The following ZSWIM8 variants were observed in gnomAD, a reference collection of about 807,000 sequenced individuals.
The protein encoded by ZSWIM8 is zinc finger SWIM-type containing 8, also known as zinc finger SWIM domain-containing protein 8.
In ZSWIM8, 27 loss-of-function variants were observed where a neutral mutation model predicts 173.7. The observed-to-expected ratio is 0.16, with a 90% CI of 0.11 to 0.21. The LOEUF is 0.21. ZSWIM8 is among the 10% of genes least tolerant of loss of function. The probability of loss-of-function intolerance (pLI) is 1.00; values close to 1 mark genes in which losing one functional copy is unlikely to be tolerated. For missense variants in ZSWIM8, 1,627 were observed against 2,428.8 expected, an observed-to-expected ratio of 0.67 and a Z score of 6.94; for synonymous variants, 958 against 962.0, an observed-to-expected ratio of 1.00 and a Z score of 0.08.
Position 73,801,681 on chromosome 10 carries a change from TCA to T in ZSWIM8, c.*166_*167del, listed in dbSNP as rs1395738282. ...GGCTATAGCTTGGGGCCAAGATGTC[TCA>T]CACCCTAGAAGCCTAGGGCTGGGGG... On this transcript the variant is annotated 3_prime_UTR_variant, in exon 26 of 26. Coordinates refer to ENST00000604729, the MANE Select transcript of ZSWIM8 (RefSeq NM_001367799.1). This position sits in a 1 kb window ranked among gnomAD's most constrained non-coding sequence, Gnocchi z 4.9. The T allele has an allele frequency of 9.8e-6, 15 of 1,534,468 alleles. No homozygotes were observed. The highest frequency in any genetic ancestry group is 1.4e-5 in the African/African-American group (1 of 73,114).
chr10:73,796,571 A>T (rs2083667902), intron 15 of ZSWIM8: 3 of 643,536 alleles, frequency 4.7e-6, no homozygotes, highest in Non-Finnish European at 5.3e-6. Context: ...TGTGGTGTTA[A>T]TGGAGGATAC....
intron 1 of ZSWIM8, among the ~76,000 whole-genome samples, chr10:73,787,199 C>T (rs1410799587): frequency 6.6e-6 from 1 of 152,190 alleles, no homozygotes; most frequent in African/African-American, 2.4e-5. Context: ...GCGCCTCGGC[C>T]TCCCGAAGTG....
chr10:73,788,836 G>A lies in ZSWIM8; in HGVS notation c.362+13G>A, dbSNP rs767975551. On this transcript the variant is annotated intron_variant, in intron 2 of 25. Transcript: ENST00000604729. ...AAGAGGACATTCGGTGAGGCCAAAG[G>A]ACTGATGGTGGGGAGCGGGGTCCTG... 1.9e-5 allele frequency: 31 copies of A among 1,612,966 alleles called. No individual in the cohort carries two copies. In the South Asian group the frequency reaches 3.4e-4, roughly 18 times the overall value.
At position 73,789,872 on chromosome 10, in the gene ZSWIM8, G is replaced by T. The variant is rs756721237; in HGVS notation, c.738+48G>T. On this transcript the variant is annotated intron_variant, in intron 5 of 25. Coordinates refer to ENST00000604729, the MANE Select transcript of ZSWIM8 (RefSeq NM_001367799.1). This position sits in a 1 kb window ranked among gnomAD's most constrained non-coding sequence, Gnocchi z 6.8. ...CCTGCAATTAGCTCCGGGCCAGGCC[G>T]CATAACAGCCTTCCTGTTAGGCCCA... is the stretch of plus-strand genomic sequence containing the variant. 76 of 1,580,742 alleles carry T rather than the reference G, an allele frequency of 4.8e-5. No homozygotes were observed. The highest frequency in any genetic ancestry group is 1.8e-4 in the Admixed American group (10 of 55,376).
rs773956574 is a variant in ZSWIM8, at chr10:73,789,428, C to T, written c.519C>T (p.Asn173=). 3.1e-5 allele frequency: 49 copies of T among 1,597,138 alleles called. No individual in the cohort carries two copies. Among genetic ancestry groups the T allele is most frequent in the Non-Finnish European group, 2.4e-5 (28 of 1,171,718 alleles). The change falls in exon 4 of 26, where the codon AAC becomes AAT. Residue 173 remains asparagine, a synonymous_variant. Transcript: ENST00000604729. This position sits in a 1 kb window ranked among gnomAD's most constrained non-coding sequence, Gnocchi z 6.8. The part of the protein sequence containing the change: ...PQMVPPKGAY[N]VAVMFDRCRV... ...TGGTCCCTCCTAAAGGGGCCTACAA[C>T]GTGGCTGTGATGTTTGACCGCTGCC...
At chr10:73,790,348 C>G (rs1758434754) in intron 7 of ZSWIM8, 56 bp downstream of exon 7, 1 of 1,542,052 alleles carries the variant, frequency 6.5e-7, no homozygotes, top group African/African-American at 1.4e-5. Context: ...GTCCCTCAGG[C>G]TGATGACAGA....
chr10:73,790,156 T>G lies in ZSWIM8; in HGVS notation c.821-16T>G, dbSNP rs762259175. On this transcript the variant is annotated splice_polypyrimidine_tract_variant and intron_variant, in intron 6 of 25. Transcript: ENST00000604729. ...AGGCCCCTATCTCTAGATGACTGAC[T>G]GCCTGTCATCCTCAGACCCCACAGC... 5.6e-6 allele frequency: 9 copies of G among 1,610,880 alleles called. No homozygotes were observed. The highest frequency in any genetic ancestry group is 2.2e-5 in the South Asian group (2 of 90,632).
chr10:73,796,017 AAG>A (rs1186585102), intron 15 of ZSWIM8, among the ~76,000 whole-genome samples: 1 of 150,432 alleles, frequency 6.6e-6, no homozygotes, highest in East Asian at 2.0e-4. Context: ...CAGGCAGAGA[AAG>A]AGAGCACATT....
At chr10:73,790,322 G>C (rs777919115) in intron 7 of ZSWIM8, 30 bp downstream of exon 7, 8 of 1,566,884 alleles carry the variant, frequency 5.1e-6, no homozygotes, top group Non-Finnish European at 6.9e-6. Context: ...ACCTGTGTCT[G>C]TGGTGGAGGG....
At position 73,797,280 on chromosome 10, in the gene ZSWIM8, G is replaced by A. The variant is rs2083710180; in HGVS notation, c.3433+9G>A. 1 of 1,613,940 alleles carries A rather than the reference G, an allele frequency of 6.2e-7. No homozygotes were observed. The highest frequency in any genetic ancestry group is 8.5e-7 in the Non-Finnish European group (1 of 1,179,836). On this transcript the variant is annotated intron_variant, in intron 17 of 25. Coordinates refer to ENST00000604729, the MANE Select transcript of ZSWIM8 (RefSeq NM_001367799.1). This position sits in a 1 kb window ranked among gnomAD's most constrained non-coding sequence, Gnocchi z 5.6. ...TAAGAAGAAGCACACAGGTAGGATA[G>A]CCTGTGGGCTAGCATAGAGGGAAGG...
rs1222223440 is a variant in ZSWIM8 at position 73,799,903 on chromosome 10, ACT to A, written c.4666-105_4666-104del. ...ACTCCAGCCTGGAGGACAGAGCGAGACTCTATCTCAAAAAAAACATGTCAGGA... is the reference window on the plus strand; with the variant it reads ...ACTCCAGCCTGGAGGACAGAGCGAGACTATCTCAAAAAAAACATGTCAGGA... On this transcript the variant is annotated intron_variant, in intron 21 of 25. Transcript: ENST00000604729. 1.8e-5 allele frequency: 13 copies of A among 715,678 alleles called. No individual in the cohort carries two copies. In the East Asian group the frequency reaches 3.0e-4, roughly 17 times the overall value. The allele number at this position is 715,678 out of a possible 1,614,324, so 44.3% of individuals were successfully genotyped here. A position where few individuals can be genotyped will look rare whatever the true frequency, so the allele number is the denominator to read the frequency against.
chr10:73,794,820 G>T lies in ZSWIM8; in HGVS notation c.2908+181G>T, dbSNP rs2083555762. The T allele has an allele frequency of 5.7e-6, 3 of 522,426 alleles. No individual in the cohort carries two copies. In the Admixed American group the frequency reaches 1.1e-4, roughly 19 times the overall value. 32.4% of individuals were successfully genotyped at this position (522,426 alleles called of 1,614,324 possible). ...GTGTGCTATATGGCTGGGCGTGGTG[G>T]CCCATGCTTGTAATCGCAGCGCTTT... On this transcript the variant is annotated intron_variant, in intron 14 of 25. Coordinates refer to ENST00000604729, the MANE Select transcript of ZSWIM8 (RefSeq NM_001367799.1).
chr10:73,793,667 A>G lies in ZSWIM8; in HGVS notation c.2393A>G (p.Gln798Arg), dbSNP rs1482837239. The change falls in exon 11 of 26, where the codon CAG (glutamine) becomes CGG (arginine). Residue 798 changes from glutamine (Q) to arginine (R), a missense_variant. Transcript: ENST00000604729. ...TCCCGTCTCACTGTGGAGCTTGCCC[A>G]GGATCTGCTAGCCAACCCACCCGAC... ...EASRLTVELAQDLLANPPDLK... is the reference protein window; with the variant it reads ...EASRLTVELARDLLANPPDLK... The G allele has an allele frequency of 1.9e-6, 3 of 1,613,740 alleles. No individual in the cohort carries two copies. Among genetic ancestry groups the G allele is most frequent in the Non-Finnish European group, 2.5e-6 (3 of 1,179,746 alleles).
rs1028201240 is a variant in ZSWIM8, at chr10:73,787,227, A to C, written c.208+1141A>C. Among the ~76,000 whole-genome samples, 7 of 152,162 alleles carry C rather than the reference A, an allele frequency of 4.6e-5. No individual in the cohort carries two copies. The East Asian group carries it at 1.4e-3, about 29-fold the overall frequency. Reference sequence around the variant, plus strand: ...CCGAAGTGCTGGGATTACAGGCGTGAGCCACCGCTCCCGGCATATATATCA... The same window carrying C: ...CCGAAGTGCTGGGATTACAGGCGTGCGCCACCGCTCCCGGCATATATATCA... On this transcript the variant is annotated intron_variant, in intron 1 of 25. Coordinates refer to ENST00000604729, the MANE Select transcript of ZSWIM8 (RefSeq NM_001367799.1).
chr10:73,789,578 T>G lies in ZSWIM8; in HGVS notation c.630+39T>G. ...AATTTATCCCGGCCCTATCCTACAC[T>G]CCATCCCCCCCTTCTCTGCTGCATG... On this transcript the variant is annotated intron_variant, in intron 4 of 25. Transcript: ENST00000604729. The surrounding 1 kb of genome is among the most constrained non-coding windows in gnomAD (Gnocchi z 6.8). 1 of 1,599,268 alleles carries G rather than the reference T, an allele frequency of 6.3e-7. No homozygotes were observed. The highest frequency in any genetic ancestry group is 1.3e-5 in the African/African-American group (1 of 74,718).
Position 73,789,707 on chromosome 10 carries a change from T to A in ZSWIM8, c.631-10T>A. ...TCAGATTGTTCCATTTTTCTCTGTGTCCCCTTCAGGCTTCTGCAGTCTGCC... is the reference window on the plus strand; with the variant it reads ...TCAGATTGTTCCATTTTTCTCTGTGACCCCTTCAGGCTTCTGCAGTCTGCC... On this transcript the variant is annotated splice_polypyrimidine_tract_variant and intron_variant, in intron 4 of 25. Coordinates refer to ENST00000604729, the MANE Select transcript of ZSWIM8 (RefSeq NM_001367799.1). The surrounding 1 kb of genome is among the most constrained non-coding windows in gnomAD (Gnocchi z 6.8). 6.3e-7 allele frequency: 1 copy of A among 1,590,032 alleles called. No homozygotes were observed. Among genetic ancestry groups the A allele is most frequent in the Non-Finnish European group, 8.6e-7 (1 of 1,168,224 alleles).
intron 1 of ZSWIM8, 100 bp downstream of exon 1, chr10:73,786,186 C>T (rs2083211084): frequency 1.5e-6 from 2 of 1,291,600 alleles, no homozygotes; most frequent in South Asian, 3.3e-5. Flanking sequence ...GAGCTCTCTT[C>T]AACCAGGGGA....
At position 73,792,039 on chromosome 10, in the gene ZSWIM8, T is replaced by C. The variant is rs373058094; in HGVS notation, c.1500T>C (p.Thr500=). 13 of 1,547,894 alleles carry C rather than the reference T, an allele frequency of 8.4e-6. No individual in the cohort carries two copies. In the African/African-American group the frequency reaches 1.8e-4, roughly 21 times the overall value. ...TTCCTGGTGTCACCTACAGCGGCAC[T>C]GACAGGAAGCTGGCACTGTGCTGGG... is the stretch of plus-strand genomic sequence containing the variant. The part of the protein sequence containing the change: ...YPLPGVTYSG[T]DRKLALCWAR... The change falls in exon 10 of 26, where the codon ACT becomes ACC. Residue 500 remains threonine, a synonymous_variant. Transcript: ENST00000604729. This position sits in a 1 kb window ranked among gnomAD's most constrained non-coding sequence, Gnocchi z 4.3.
chr10:73,788,544 C>G, intron 1 of ZSWIM8, 126 bp from the exon 2 acceptor site: 4 of 1,197,426 alleles, frequency 3.3e-6, no homozygotes, highest in Non-Finnish European at 4.6e-6. Flanking sequence ...GACTTTCATC[C>G]AGGTCTCTTC....
Sources: allele counts gnomAD v4.1 joint callset (sites outside exome capture counted in the v4.1 genomes callset), GRCh38; gene constraint gnomAD v4.1.1; non-coding constraint Gnocchi (gnomAD v3.1); transcripts MANE v1.5; gene names NCBI Gene and HGNC (gene_info 2026-07-23, HGNC 2026-07-21).